The following HERC2 variants were observed in gnomAD, a reference collection of about 807,000 sequenced individuals.
The protein encoded by HERC2 is HECT and RLD domain containing E3 ubiquitin protein ligase 2, also known as E3 ubiquitin-protein ligase HERC2.
HERC2 carries 102 observed loss-of-function variants against 537.7 expected under a neutral mutation model. That is an observed-to-expected ratio of 0.19 (90% CI 0.16 to 0.22). The LOEUF is 0.22. Ranked by LOEUF, HERC2 falls within the 10% of genes least tolerant of loss-of-function variation. The pLI is 1.00. For missense variants in HERC2, 4,236 were observed against 6,198.2 expected (o/e 0.68, Z 10.63); for synonymous variants, 2,224 against 2,466.2 (o/e 0.90, Z 2.91).
In HERC2 at chr15:28,176,763, T is replaced by G; in HGVS notation, c.9438A>C (p.Lys3146Asn). 1 of 1,613,472 alleles carries G rather than the reference T, an allele frequency of 6.2e-7. No homozygotes were observed. Among genetic ancestry groups the G allele is most frequent in the Non-Finnish European group, 8.5e-7 (1 of 1,179,642 alleles). Reference protein sequence around the residue: ...NTTQLKPKMVKVLLGHRVIQV... With the variant: ...NTTQLKPKMVNVLLGHRVIQV... Reference sequence around the variant, plus strand: ...GGATTACTCTGTGACCGAGAAGGACTTTCACCTACTCAATTACAAATTTAA... The same window carrying G: ...GGATTACTCTGTGACCGAGAAGGACGTTCACCTACTCAATTACAAATTTAA... The change falls in exon 62 of 93, where the codon AAA (lysine) becomes AAC (asparagine). Residue 3146 changes from lysine (K) to asparagine (N), a missense_variant. Physicochemically the swap from Lys to Asn is moderately conservative, Grantham distance 94. Around this residue, in one of 27 missense-constraint regions of HERC2, gnomAD observed 606 missense variants for 884.5 expected, o/e 0.69. Coordinates refer to ENST00000261609, the MANE Select transcript of HERC2 (RefSeq NM_004667.6). The surrounding 1 kb of genome is among the most constrained non-coding windows in gnomAD (Gnocchi z 5.0).
chr15:28,301,991 G>T (rs1596442958), intron 2 of HERC2, among the ~76,000 whole-genome samples: 1 of 148,900 alleles, frequency 6.7e-6, no homozygotes, highest in Middle Eastern at 3.4e-3. Context: ...GTAGAGATGG[G>T]GTTTCACCGT....
At chr15:28,242,276 ACAC>A (rs1311734001) in intron 23 of HERC2, among the ~76,000 whole-genome samples, 39 of 152,336 alleles carry the variant, frequency 2.6e-4, no homozygotes, top group African/African-American at 9.1e-4. Flanking sequence ...ACTAAATGGT[ACAC>A]TTAAATGGCA....
intron 37 of HERC2, 118 bp from the exon 38 acceptor site, chr15:28,218,789 G>A: frequency 1.0e-6 from 1 of 954,454 alleles, no homozygotes; most frequent in Non-Finnish European, 1.6e-6. Flanking sequence ...TTGAATTTTA[G>A]TGCAGTTTTA....
At chr15:28,295,289 A>T (rs2076431781) in intron 3 of HERC2, among the ~76,000 whole-genome samples, 1 of 93,318 alleles carries the variant, frequency 1.1e-5, no homozygotes, top group Admixed American at 1.9e-4. Context: ...TAAAGGCCAG[A>T]CTCTGTCCTA....
intron 39 of HERC2, 33 bp from the exon 40 acceptor site, chr15:28,214,835 A>T (rs745689136): frequency 6.4e-7 from 1 of 1,554,532 alleles, no homozygotes; most frequent in South Asian, 1.2e-5. Flanking sequence ...GACAAGCATT[A>T]AAAAAAATCT....
intron 2 of HERC2, among the ~76,000 whole-genome samples, chr15:28,300,052 TAA>T (rs34917808): frequency 8.7e-5 from 11 of 126,264 alleles, no homozygotes; most frequent in Admixed American, 3.4e-4. Context: ...GACTCGGTGT[TAA>T]AAAAAAAAAA....
intron 3 of HERC2, among the ~76,000 whole-genome samples, chr15:28,295,909 C>G (rs568357477): frequency 1.0e-3 from 157 of 152,176 alleles, no homozygotes; most frequent in African/African-American, 3.6e-3. Context: ...ATAGGGTCCA[C>G]TGAGACCTTA....
rs753994314 is a variant in HERC2 at position 28,144,788 on chromosome 15, G to T, written c.11025C>A (p.Asp3675Glu). 5.6e-6 allele frequency: 9 copies of T among 1,614,078 alleles called. No individual in the cohort carries two copies. Among genetic ancestry groups the T allele is most frequent in the Middle Eastern group, 1.6e-4 (1 of 6,084 alleles). The change falls in exon 72 of 93, where the codon GAC (aspartate) becomes GAA (glutamate). Residue 3675 changes from aspartate to glutamate, a missense_variant. Asp to Glu is a conservative substitution (Grantham distance 45). Transcript: ENST00000261609. Reference protein sequence around the residue: ...VSVRSGREWSDWSSELRIPGD... With the variant: ...VSVRSGREWSEWSSELRIPGD... Reference sequence around the variant, plus strand: ...CTGGGATGCGCAGCTCGCTGGACCAGTCGGACCACTCTCGGCCTGCGGGAG... The same window carrying T: ...CTGGGATGCGCAGCTCGCTGGACCATTCGGACCACTCTCGGCCTGCGGGAG...
At chr15:28,297,079 C>T (rs1428567643) in intron 3 of HERC2, among the ~76,000 whole-genome samples, 5 of 152,216 alleles carry the variant, frequency 3.3e-5, no homozygotes, top group Non-Finnish European at 7.3e-5. Flanking sequence ...ACCCTGAAAA[C>T]CTTTGTGCTA....
chr15:28,179,918 T>G (rs1306457204), intron 57 of HERC2, among the ~76,000 whole-genome samples: 1 of 152,174 alleles, frequency 6.6e-6, no homozygotes, highest in Non-Finnish European at 1.5e-5. Flanking sequence ...AGTCAAAAAG[T>G]TTTTTAAAAA....
In HERC2 at chr15:28,177,341, T is replaced by G; in HGVS notation, c.9254+78A>C. The G allele has an allele frequency of 6.9e-7, 1 of 1,458,918 alleles. No individual in the cohort carries two copies. Among genetic ancestry groups the G allele is most frequent in the East Asian group, 2.3e-5 (1 of 43,772 alleles). The allele number at this position is 1,458,918 out of a possible 1,614,324, so 90.4% of individuals were successfully genotyped here. A position where few individuals can be genotyped will look rare whatever the true frequency, so the allele number is the denominator to read the frequency against. On this transcript the variant is annotated intron_variant, in intron 60 of 92. Coordinates refer to ENST00000261609, the MANE Select transcript of HERC2 (RefSeq NM_004667.6). The surrounding 1 kb of genome is among the most constrained non-coding windows in gnomAD (Gnocchi z 5.0). The stretch of plus-strand genomic sequence containing the variant: ...TTCTATAATCTATTCTATTCTAATT[T>G]TCTGCAAAATAATTCTCAAGAGTAT...
At chr15:28,149,607 G>A (rs968506365) in intron 70 of HERC2, among the ~76,000 whole-genome samples, 4 of 147,608 alleles carry the variant, frequency 2.7e-5, no homozygotes, top group South Asian at 2.2e-4. Context: ...GCTCCTAACC[G>A]AGAACATCAC....
chr15:28,284,524 G>GAAA (rs777160762), intron 4 of HERC2, among the ~76,000 whole-genome samples: 1 of 150,614 alleles, frequency 6.6e-6, no homozygotes, highest in Non-Finnish European at 1.5e-5. Context: ...CAGGCAAACT[G>GAAA]AAAATAGAAG....
intron 5 of HERC2, among the ~76,000 whole-genome samples, chr15:28,277,941 G>A (rs1444412060): frequency 6.6e-6 from 1 of 151,962 alleles, no homozygotes; most frequent in Non-Finnish European, 1.5e-5. Flanking sequence ...CATATAACCT[G>A]TGCACATCCT....
At chr15:28,287,915 G>A (rs776971808) in intron 4 of HERC2, among the ~76,000 whole-genome samples, 1 of 151,800 alleles carries the variant, frequency 6.6e-6, no homozygotes, top group Non-Finnish European at 1.5e-5. Context: ...TAGTAGAGAC[G>A]CTGTTTCACC....
intron 2 of HERC2, among the ~76,000 whole-genome samples, chr15:28,311,497 G>T (rs1211890022): frequency 4.0e-5 from 6 of 151,744 alleles, no homozygotes; most frequent in Admixed American, 3.9e-4. Context: ...TTCAAATCAC[G>T]TAAGTTAAAT....
At chr15:28,204,301 C>T (rs1898174436) in intron 45 of HERC2, among the ~76,000 whole-genome samples, 1 of 152,128 alleles carries the variant, frequency 6.6e-6, no homozygotes, top group South Asian at 2.1e-4. Flanking sequence ...ACATAACTAT[C>T]AGAAATATGT....
intron 35 of HERC2, among the ~76,000 whole-genome samples, chr15:28,227,013 G>T (rs1437872119): frequency 6.6e-6 from 1 of 152,208 alleles, no homozygotes; most frequent in African/African-American, 2.4e-5. Context: ...AGTGGCTCAC[G>T]CCTGTTATCC....
intron 72 of HERC2, 149 bp downstream of exon 72, chr15:28,144,524 G>T (rs536024176): frequency 5.6e-6 from 6 of 1,065,144 alleles, no homozygotes; most frequent in Non-Finnish European, 8.3e-6. Context: ...TCTGTTCCAC[G>T]CCTCAGCAGG....
Sources: gnomAD v4.1 joint callset for allele counts (sites outside exome capture counted in the v4.1 genomes callset) on GRCh38, gnomAD v4.1.1 for gene constraint, gnomAD v4.1.1 regional missense constraint, Gnocchi (gnomAD v3.1) non-coding constraint, MANE v1.5 for transcripts, NCBI Gene and HGNC (gene_info 2026-07-23, HGNC 2026-07-21) for gene names.